Variants in SMYD4 observed in about 807,000 individuals in gnomAD.
SMYD4 encodes SET and MYND domain containing 4.
SMYD4 carries 68 observed loss-of-function variants against 72.8 expected under a neutral mutation model. The observed-to-expected ratio is 0.93, with a 90% confidence interval of 0.77 to 1.14. SMYD4 has a LOEUF of 1.14. SMYD4 is among the 50% of genes most tolerant of loss of function. The pLI, the probability that SMYD4 is intolerant of heterozygous loss-of-function variation, is 0.00. For missense variants in SMYD4, 984 were observed against 1,003.7 expected, an observed-to-expected ratio of 0.98 and a Z score of 0.27; for synonymous variants, 407 against 388.6, an observed-to-expected ratio of 1.05 and a Z score of -0.56.
intron 3 of SMYD4, among the ~76,000 whole-genome samples, chr17:1,806,700 G>A (rs1490527090): frequency 1.3e-5 from 2 of 152,104 alleles, no homozygotes; most frequent in East Asian, 3.8e-4. Flanking sequence ...TCATTATGCT[G>A]TTAGTGAGGG....
intron 3 of SMYD4, 83 bp downstream of exon 3, chr17:1,811,888 C>A: frequency 6.7e-7 from 1 of 1,486,702 alleles, no homozygotes. Flanking sequence ...GATTATACCA[C>A]TGTACTCCAG....
chr17:1,821,950 T>C (rs1433258826), intron 2 of SMYD4, among the ~76,000 whole-genome samples: 28 of 144,318 alleles, frequency 1.9e-4, no homozygotes, highest in Non-Finnish European at 3.0e-5. Flanking sequence ...AAAGGTCTGG[T>C]GTGATGGCTC....
At position 1,781,413 on chromosome 17, in the gene SMYD4, G is replaced by A. The variant is rs866985733; in HGVS notation, c.2288C>T (p.Thr763Ile). ...CAGAACCTCCTCAGCTTTCTGTATT[G>A]TGCTCAGGGCTTCGGGTACTGCAAA... ...NGFAVPEALS[T>I]IQKAEEVLSL... The change falls in exon 11 of 11, where the codon ACA becomes ATA. Residue 763 changes from threonine to isoleucine, a missense_variant. Transcript: ENST00000305513. The A allele has an allele frequency of 1.2e-6, 2 of 1,613,906 alleles. No individual in the cohort carries two copies. Among genetic ancestry groups the A allele is most frequent in the African/African-American group, 2.7e-5 (2 of 74,874 alleles).
intron 2 of SMYD4, among the ~76,000 whole-genome samples, chr17:1,816,513 G>A (rs549728821): frequency 1.8e-4 from 28 of 151,744 alleles, no homozygotes; most frequent in African/African-American, 5.8e-4. Context: ...CCAGCTACTC[G>A]GGGGACTGAG....
intron 5 of SMYD4, among the ~76,000 whole-genome samples, chr17:1,794,101 ATATATTTT>A (rs1567771074): frequency 3.6e-4 from 6 of 16,756 alleles, no homozygotes; most frequent in South Asian, 1.6e-3. Context: ...ATATATATAT[ATATATTTT>A]TTTTTTTTTT....
At chr17:1,825,141 G>A (rs1279102610) in intron 2 of SMYD4, among the ~76,000 whole-genome samples, 1 of 152,116 alleles carries the variant, frequency 6.6e-6, no homozygotes, top group African/African-American at 2.4e-5. Flanking sequence ...GGAGTAACAT[G>A]AGTAGGAATT....
chr17:1,812,142 T>C (rs376359354), intron 2 of SMYD4, 27 bp from the exon 3 acceptor site: 4 of 1,603,928 alleles, frequency 2.5e-6, no homozygotes, highest in African/African-American at 2.7e-5. Flanking sequence ...GGAAACAAAG[T>C]AAGCAGAAAT....
Position 1,780,339 on chromosome 17 carries a change from C to T in SMYD4, c.*947G>A, listed in dbSNP as rs1472552004. 2.0e-5 allele frequency: 3 copies of T among 151,776 alleles called. No homozygotes were observed. Among genetic ancestry groups the T allele is most frequent in the African/African-American group, 4.8e-5 (2 of 41,282 alleles). 9.4% of individuals were successfully genotyped at this position (151,776 alleles called of 1,614,324 possible). On this transcript the variant is annotated 3_prime_UTR_variant, in exon 11 of 11. Transcript: ENST00000305513. ...CTCAGGTGACCCTATCTCAGCTTCT[C>T]GAGTAGGTGGGACTACAGGCATGTG...
intron 5 of SMYD4, among the ~76,000 whole-genome samples, chr17:1,789,533 G>A (rs918225041): frequency 2.8e-4 from 43 of 152,180 alleles, no homozygotes; most frequent in Non-Finnish European, 5.3e-4. Context: ...GGAGGCCAAG[G>A]CGGGCAGATC....
chr17:1,808,038 A>G lies in SMYD4; in HGVS notation c.280-3323T>C, dbSNP rs141778412. Among the ~76,000 whole-genome samples, 328 of 152,304 alleles carry G rather than the reference A, an allele frequency of 2.2e-3. 2 individuals carry two copies. Among genetic ancestry groups the G allele is most frequent in the African/African-American group, 7.6e-3 (318 of 41,572 alleles). On this transcript the variant is annotated intron_variant, in intron 3 of 10. Transcript: ENST00000305513. ...AATTAATATCCCCATAGTCTGCCAGAGGGGATGTTAACTAGTTCTTTCCTG... is the reference window on the plus strand; with the variant it reads ...AATTAATATCCCCATAGTCTGCCAGGGGGGATGTTAACTAGTTCTTTCCTG...
intron 8 of SMYD4, chr17:1,783,911 T>C: frequency 3.5e-6 from 1 of 288,256 alleles, no homozygotes; most frequent in Non-Finnish European, 6.6e-6. Context: ...TCCTATCAGC[T>C]GGGCTCACGC....
chr17:1,828,220 G>A lies in SMYD4; in HGVS notation c.-12-214C>T, dbSNP rs1164288518. Reference sequence around the variant, plus strand: ...AAAAAAATTAGCCAGGTGTGGTGGCGCACACTTGTAGTCCCAGCTACTCGG... The same window carrying A: ...AAAAAAATTAGCCAGGTGTGGTGGCACACACTTGTAGTCCCAGCTACTCGG... On this transcript the variant is annotated intron_variant, in intron 1 of 10. Coordinates refer to ENST00000305513, the MANE Select transcript of SMYD4 (RefSeq NM_052928.3). 2.0e-5 allele frequency among the ~76,000 whole-genome samples: 3 copies of A among 151,838 alleles called. No individual in the cohort carries two copies. The South Asian group carries it at 6.2e-4, about 32-fold the overall frequency.
At chr17:1,803,461 C>T (rs796602534) in intron 4 of SMYD4, among the ~76,000 whole-genome samples, 1 of 152,220 alleles carries the variant, frequency 6.6e-6, no homozygotes, top group African/African-American at 2.4e-5. Context: ...ACCTCTTGGA[C>T]AGTCCACATC....
rs566007108 is a variant in SMYD4 at position 1,801,032 on chromosome 17, CAG to C, written c.370-10_370-9del. On this transcript the variant is annotated splice_polypyrimidine_tract_variant and intron_variant, in intron 4 of 10. Coordinates refer to ENST00000305513, the MANE Select transcript of SMYD4 (RefSeq NM_052928.3). ...AATGTCTTTAAGACACGTCTGAAAA[CAG>C]AAAGAAAATCCCACAATGACCCTTG... 6.0e-4 allele frequency: 942 copies of C among 1,583,192 alleles called. 1 individual carries two copies. The highest frequency in any genetic ancestry group is 9.1e-4 in the Admixed American group (52 of 57,066).
chr17:1,797,933 C>T (rs770672844), intron 5 of SMYD4, among the ~76,000 whole-genome samples: 2 of 151,742 alleles, frequency 1.3e-5, no homozygotes, highest in African/African-American at 4.8e-5. Context: ...ACCTGGCAGA[C>T]AGAGGTTGCA....
chr17:1,826,217 G>A (rs568252334), intron 2 of SMYD4, among the ~76,000 whole-genome samples: 5 of 152,284 alleles, frequency 3.3e-5, no homozygotes, highest in Admixed American at 1.3e-4. Flanking sequence ...GGGGGGCCGG[G>A]CGCAGTGGCT....
intron 5 of SMYD4, among the ~76,000 whole-genome samples, chr17:1,796,192 G>GC (rs1178114956): frequency 1.3e-5 from 2 of 151,730 alleles, no homozygotes; most frequent in Non-Finnish European, 2.9e-5. Flanking sequence ...TAGTGCAGTG[G>GC]CGCAACTCAT....
At chr17:1,815,558 T>C (rs1020883234) in intron 2 of SMYD4, among the ~76,000 whole-genome samples, 2 of 149,110 alleles carry the variant, frequency 1.3e-5, no homozygotes, top group African/African-American at 4.9e-5. Context: ...AAATTGAGGC[T>C]GAGGTGGGAG....
At chr17:1,826,287 G>A (rs1485989903) in intron 2 of SMYD4, among the ~76,000 whole-genome samples, 1 of 152,084 alleles carries the variant, frequency 6.6e-6, no homozygotes, top group Non-Finnish European at 1.5e-5. Context: ...GAGGCCAGGA[G>A]TTGGAGACCA....
Sources: allele counts gnomAD v4.1 joint callset (sites outside exome capture counted in the v4.1 genomes callset), GRCh38; gene constraint gnomAD v4.1.1; transcripts MANE v1.5; gene names NCBI Gene and HGNC (gene_info 2026-07-23, HGNC 2026-07-21).